Variants in ARHGAP29 observed in about 807,000 individuals in gnomAD.
ARHGAP29 encodes Rho GTPase activating protein 29.
Under a neutral mutation model 122.6 loss-of-function variants are expected in ARHGAP29, and 43 were observed. That is an observed-to-expected ratio of 0.35 (90% confidence interval 0.27 to 0.45). The LOEUF is 0.45. Among genes scored for constraint, ARHGAP29 ranks in the 20% least tolerant of loss-of-function variants. ARHGAP29 has a pLI of 1.00. For synonymous variants in ARHGAP29, 506 were observed against 497.1 expected (o/e 1.02, Z -0.24); for missense variants, 1,303 against 1,477.2 (o/e 0.88, Z 1.93).
chr1:94,289,793 T>C, the ARHGAP29 span, among the ~76,000 whole-genome samples: 1 of 152,250 alleles, frequency 6.6e-6, no homozygotes, highest in Admixed American at 6.5e-5. Flanking sequence ...ATGGCTTACA[T>C]TTATTGATTT....
intron 1 of ARHGAP29, among the ~76,000 whole-genome samples, chr1:94,252,717 G>GA (rs142364377): frequency 0.46 from 67,893 of 147,744 alleles, 15,910 homozygotes; most frequent in Middle Eastern, 0.62. Flanking sequence ...GTTCTCTAAT[G>GA]AAAAAAAAAA....
At position 94,179,731 on chromosome 1, in the gene ARHGAP29, A is replaced by G; in HGVS notation, c.2474T>C (p.Leu825Pro). 6.3e-7 allele frequency: 1 copy of G among 1,599,152 alleles called. No individual in the cohort carries two copies. The highest frequency in any genetic ancestry group is 8.6e-7 in the Non-Finnish European group (1 of 1,169,480). ...AGTTATATAAAATTCTTACCGCTTT[A>G]GATGTACTATAAGGAAATGAAGACT... ...FNSLHFLIVHLKRVVDHAEEN... is the reference protein window; with the variant it reads ...FNSLHFLIVHPKRVVDHAEEN... The change falls in exon 20 of 23, where the codon CTA (leucine) becomes CCA (proline). Residue 825 changes from leucine (L) to proline (P), a missense_variant. Coordinates refer to ENST00000260526, the MANE Select transcript of ARHGAP29 (RefSeq NM_004815.4).
chr1:94,261,282 T>C (rs141257733), intron 1 of ARHGAP29, among the ~76,000 whole-genome samples: 22 of 152,308 alleles, frequency 1.4e-4, no homozygotes, highest in African/African-American at 5.3e-4. Flanking sequence ...CATAGGTTAT[T>C]ATAACACTGA....
At chr1:94,259,329 A>G (rs1654473664) in intron 1 of ARHGAP29, among the ~76,000 whole-genome samples, 1 of 152,222 alleles carries the variant, frequency 6.6e-6, no homozygotes, top group African/African-American at 2.4e-5. Flanking sequence ...AACAGAGACT[A>G]GGAAAAGCAT....
Position 94,268,924 on chromosome 1 carries a change from A to G in ARHGAP29, c.-33+6088T>C, listed in dbSNP as rs564015388. Among the ~76,000 whole-genome samples the G allele has an allele frequency of 5.9e-5, 9 of 152,324 alleles. 1 individual carries two copies. In the South Asian group the frequency reaches 1.9e-3, roughly 32 times the overall value. On this transcript the variant is annotated intron_variant and NMD_transcript_variant, in intron 1 of 25. Coordinates refer to the ARHGAP29 transcript ENST00000552844. ...AGTGACTATTTTTGTATGTATGTAT[A>G]TATATACACACATTATACATATATA...
At chr1:94,257,023 G>A (rs991533047) in intron 1 of ARHGAP29, among the ~76,000 whole-genome samples, 1 of 152,208 alleles carries the variant, frequency 6.6e-6, no homozygotes. Flanking sequence ...TTCATTGGAT[G>A]GAGGCTGTTT....
chr1:94,237,105 G>T (rs1231817556), intron 1 of ARHGAP29, among the ~76,000 whole-genome samples: 2 of 152,218 alleles, frequency 1.3e-5, no homozygotes, highest in East Asian at 3.9e-4. Context: ...AGGCGGACCC[G>T]TTGTACGCGC....
chr1:94,313,191 T>G, the ARHGAP29 span, among the ~76,000 whole-genome samples: 1 of 152,210 alleles, frequency 6.6e-6, no homozygotes, highest in Non-Finnish European at 1.5e-5. Flanking sequence ...TTCCTCCTGC[T>G]GCTCCTTGCC....
Position 94,171,338 on chromosome 1 carries a change from TCTAA to T in ARHGAP29, c.*2527_*2530del, listed in dbSNP as rs1446410215. 2.0e-5 allele frequency among the ~76,000 whole-genome samples: 3 copies of T among 152,188 alleles called. No homozygotes were observed. Among genetic ancestry groups the T allele is most frequent in the Admixed American group, 6.5e-5 (1 of 15,280 alleles). On this transcript the variant is annotated 3_prime_UTR_variant, in exon 23 of 23. Coordinates refer to ENST00000260526, the MANE Select transcript of ARHGAP29 (RefSeq NM_004815.4). The stretch of plus-strand genomic sequence containing the variant: ...AATTTAACATACTGTACTCATAAAT[TCTAA>T]CTAAGTTCTCTGTAGGTAAAACATG...
At position 94,207,301 on chromosome 1, in the gene ARHGAP29, C is replaced by T. The variant is rs116556693; in HGVS notation, c.510+1531G>A. Among the ~76,000 whole-genome samples the T allele has an allele frequency of 9.8e-3, 1,490 of 152,094 alleles. 20 individuals carry two copies. Among genetic ancestry groups the T allele is most frequent in the African/African-American group, 0.034 (1,419 of 41,474 alleles). ...GAGATTACAGGTATGAGCCACCATG[C>T]CCTATTATTTTTAAAGGGTATTTTT... On this transcript the variant is annotated intron_variant, in intron 5 of 22. Coordinates refer to ENST00000260526, the MANE Select transcript of ARHGAP29 (RefSeq NM_004815.4).
chr1:94,179,791 T>C lies in ARHGAP29; in HGVS notation c.2414A>G (p.Asp805Gly). 1 of 1,613,628 alleles carries C rather than the reference T, an allele frequency of 6.2e-7. No individual in the cohort carries two copies. The highest frequency in any genetic ancestry group is 8.5e-7 in the Non-Finnish European group (1 of 1,179,786). ...EINRILLKSK[D>G]LLRQLPASNF... is the part of the protein sequence containing the mutation. ...TGATGCTGGCAATTGTCTTAGAAGG[T>C]CTTTGCTTTTTAGAAGAATTCGGTT... The change falls in exon 20 of 23, where the codon GAC becomes GGC. Residue 805 changes from aspartate to glycine, a missense_variant. Coordinates refer to ENST00000260526, the MANE Select transcript of ARHGAP29 (RefSeq NM_004815.4).
At chr1:94,308,702 A>C in the ARHGAP29 span, among the ~76,000 whole-genome samples, 1 of 152,148 alleles carries the variant, frequency 6.6e-6, no homozygotes, top group African/African-American at 2.4e-5. Context: ...AGCCAGTTTC[A>C]AAGGTACAAC....
the ARHGAP29 span, among the ~76,000 whole-genome samples, chr1:94,285,788 T>C: frequency 6.9e-6 from 1 of 144,250 alleles, no homozygotes. Flanking sequence ...GGCAGGAGAA[T>C]CACTTGAACC....
intron 1 of ARHGAP29, among the ~76,000 whole-genome samples, chr1:94,261,720 G>A (rs1301226955): frequency 1.3e-5 from 2 of 152,042 alleles, no homozygotes; most frequent in African/African-American, 4.8e-5. Context: ...TCTCTACAAG[G>A]AGAACTACAA....
intron 12 of ARHGAP29, among the ~76,000 whole-genome samples, chr1:94,196,256 C>CTTTTTT (rs917635883): frequency 8.2e-4 from 75 of 91,122 alleles, no homozygotes; most frequent in Non-Finnish European, 1.1e-3. Context: ...CCGTGTTTTT[C>CTTTTTT]TTTTTTTTTT....
intron 1 of ARHGAP29, among the ~76,000 whole-genome samples, chr1:94,272,366 T>A (rs1297712668): frequency 6.6e-6 from 1 of 152,192 alleles, no homozygotes; most frequent in African/African-American, 2.4e-5. Context: ...AGCTGCTCCT[T>A]GAACTTGTGT....
the ARHGAP29 span, among the ~76,000 whole-genome samples, chr1:94,291,825 T>C: frequency 6.6e-6 from 1 of 152,238 alleles, no homozygotes; most frequent in Admixed American, 6.5e-5. Flanking sequence ...AGATCCACTG[T>C]TAGTCTGATG....
At chr1:94,284,756 ATC>A in the ARHGAP29 span, among the ~76,000 whole-genome samples, 1 of 152,240 alleles carries the variant, frequency 6.6e-6, no homozygotes, top group African/African-American at 2.4e-5. Flanking sequence ...CTATAACAAA[ATC>A]TAGCCAATCC....
chr1:94,305,929 A>T, the ARHGAP29 span, among the ~76,000 whole-genome samples: 1 of 152,188 alleles, frequency 6.6e-6, no homozygotes. Context: ...TGAAAAAGGC[A>T]ATCACCCTGC....
Sources: gnomAD v4.1 joint callset for allele counts (sites outside exome capture counted in the v4.1 genomes callset) on GRCh38, gnomAD v4.1.1 for gene constraint, MANE v1.5 for transcripts, NCBI Gene and HGNC (gene_info 2026-07-23, HGNC 2026-07-21) for gene names.